The following GYPE variants were observed in gnomAD, a reference collection of about 807,000 sequenced individuals.
The protein encoded by GYPE is glycophorin E (MNS blood group).
GYPE carries 8 observed loss-of-function variants against 11.6 expected under a neutral mutation model. That is an observed-to-expected ratio of 0.69 (90% CI 0.41 to 1.25). GYPE has a LOEUF of 1.25. Ranked by LOEUF, GYPE falls within the 50% of genes most tolerant of loss-of-function variation. The pLI, the probability that GYPE is intolerant of heterozygous loss-of-function variation, is 0.01. For synonymous variants in GYPE, 28 were observed against 29.6 expected, an observed-to-expected ratio of 0.94 and a Z score of 0.18; for missense variants, 90 against 92.8, an observed-to-expected ratio of 0.97 and a Z score of 0.12.
At chr4:143,897,117 C>A (rs142218707) in intron 1 of GYPE, among the ~76,000 whole-genome samples, 44 of 151,944 alleles carry the variant, frequency 2.9e-4, no homozygotes, top group South Asian at 1.0e-3. Flanking sequence ...TGTAACTAAC[C>A]GGCACATTGT....
chr4:143,874,199 G>T (rs1443083293), intron 3 of GYPE, among the ~76,000 whole-genome samples: 1 of 151,978 alleles, frequency 6.6e-6, no homozygotes, highest in African/African-American at 2.4e-5. Context: ...AGAAAATTAA[G>T]AAGCTAGAAA....
chr4:143,885,436 T>C (rs1243397641), intron 1 of GYPE, among the ~76,000 whole-genome samples: 1 of 152,134 alleles, frequency 6.6e-6, no homozygotes, highest in Non-Finnish European at 1.5e-5. Context: ...CAACAGTTTC[T>C]TTCTTCTTCA....
intron 1 of GYPE, among the ~76,000 whole-genome samples, chr4:143,890,592 G>A (rs1242026441): frequency 4.6e-5 from 7 of 152,148 alleles, no homozygotes; most frequent in Non-Finnish European, 8.8e-5. Context: ...TCTGATGTGC[G>A]GCCAGCGGCG....
chr4:143,904,040 C>T (rs1744968709), intron 1 of GYPE, among the ~76,000 whole-genome samples: 1 of 151,940 alleles, frequency 6.6e-6, no homozygotes, highest in Non-Finnish European at 1.5e-5. Context: ...TACACTACAT[C>T]CCTTTCATTT....
chr4:143,888,407 G>A (rs1578965449), intron 1 of GYPE, among the ~76,000 whole-genome samples: 1 of 51,362 alleles, frequency 1.9e-5, no homozygotes, highest in Non-Finnish European at 4.9e-5. Flanking sequence ...GCCTTATCTT[G>A]CATAAGCAAA....
At chr4:143,892,885 G>C (rs1744467705) in intron 1 of GYPE, among the ~76,000 whole-genome samples, 1 of 150,640 alleles carries the variant, frequency 6.6e-6, no homozygotes, top group Non-Finnish European at 1.5e-5. Flanking sequence ...CTGTCTCATT[G>C]ATCTGTCTAA....
intron 1 of GYPE, among the ~76,000 whole-genome samples, chr4:143,898,346 C>A (rs1439830653): frequency 7.2e-5 from 11 of 152,132 alleles, no homozygotes; most frequent in Non-Finnish European, 1.5e-4. Flanking sequence ...CACTGCACTC[C>A]AGCCTGGGCG....
chr4:143,893,709 G>T (rs1744503534), intron 1 of GYPE, among the ~76,000 whole-genome samples: 1 of 152,162 alleles, frequency 6.6e-6, no homozygotes, highest in East Asian at 1.9e-4. Context: ...TCCCTTTGTG[G>T]GTAACCCGAC....
At position 143,879,013 on chromosome 4, in the gene GYPE, T is replaced by A. The variant is rs192327526; in HGVS notation, c.136+1398A>T. The stretch of plus-strand genomic sequence containing the variant: ...GCATTTTTAAAAAATATAAAAATAA[T>A]GAGAAGAAAGGAGGCATATGGAGCC... On this transcript the variant is annotated intron_variant, in intron 2 of 3. Coordinates refer to ENST00000358615, the MANE Select transcript of GYPE (RefSeq NM_198682.3). Among the ~76,000 whole-genome samples the A allele has an allele frequency of 2.9e-3, 444 of 152,220 alleles. 2 individuals carry two copies. Among genetic ancestry groups the A allele is most frequent in the African/African-American group, 1.0e-2 (414 of 41,522 alleles).
intron 1 of GYPE, 82 bp downstream of exon 1, chr4:143,905,389 G>C: frequency 6.2e-7 from 1 of 1,600,566 alleles, no homozygotes. Flanking sequence ...AAATAAGATA[G>C]AACTAAAATA....
Position 143,876,825 on chromosome 4 carries a change from G to A in GYPE, c.167C>T (p.Ala56Val), listed in dbSNP as rs1483682461. 6.2e-7 allele frequency: 1 copy of A among 1,610,532 alleles called. No homozygotes were observed. The highest frequency in any genetic ancestry group is 1.7e-5 in the Admixed American group (1 of 59,910). ...GITLINWWAM[A>V]RVIFEVMLVV... ...AAGCATCACCTCAAAAATAACACGA[G>A]CCATCGCCCACCAATTAATGAGTGT... The change falls in exon 3 of 4, where the codon GCT (alanine) becomes GTT (valine). Residue 56 changes from alanine (A) to valine (V), a missense_variant. Transcript: ENST00000358615.
At chr4:143,886,386 C>G (rs1477380517) in intron 1 of GYPE, among the ~76,000 whole-genome samples, 2 of 136,484 alleles carry the variant, frequency 1.5e-5, no homozygotes, top group Admixed American at 7.6e-5. Context: ...AAGCTTCATT[C>G]AAAATTCAAG....
intron 2 of GYPE, among the ~76,000 whole-genome samples, chr4:143,879,334 A>G (rs1743934173): frequency 6.6e-6 from 1 of 152,192 alleles, no homozygotes; most frequent in Admixed American, 6.5e-5. Flanking sequence ...CTAGAGTTTA[A>G]TTATTACAAA....
At chr4:143,873,540 A>G (rs1334111215) in intron 3 of GYPE, 5 of 447,856 alleles carry the variant, frequency 1.1e-5, no homozygotes, top group Non-Finnish European at 2.2e-5. Flanking sequence ...GTGGAGGCTG[A>G]TATAACATAT....
chr4:143,894,767 C>G (rs1445965861), intron 1 of GYPE, among the ~76,000 whole-genome samples: 1 of 152,072 alleles, frequency 6.6e-6, no homozygotes, highest in Non-Finnish European at 1.5e-5. Flanking sequence ...AAAATCCTGG[C>G]AAACCGAATC....
At chr4:143,882,581 C>G (rs557208026) in intron 1 of GYPE, among the ~76,000 whole-genome samples, 1 of 152,246 alleles carries the variant, frequency 6.6e-6, no homozygotes, top group Admixed American at 6.5e-5. Context: ...TGGCCAGAAG[C>G]CTTAAATGGG....
chr4:143,898,274 G>A (rs769051942), intron 1 of GYPE, among the ~76,000 whole-genome samples: 46 of 152,272 alleles, frequency 3.0e-4, no homozygotes, highest in African/African-American at 1.1e-3. Flanking sequence ...CTACTTGGGA[G>A]GCTGAGGCAG....
chr4:143,903,539 A>AAG lies in GYPE; in HGVS notation c.37+1931_37+1932insCT, dbSNP rs1553989206. On this transcript the variant is annotated intron_variant, in intron 1 of 3. Coordinates refer to ENST00000358615, the MANE Select transcript of GYPE (RefSeq NM_198682.3). ...TTTTTCATAGCAAAAAAAAAAAAAA[A>AAG]AAAGAAAAAAAAAGAAAAAGACTTC... Among the ~76,000 whole-genome samples the AAG allele has an allele frequency of 6.4e-4, 95 of 148,052 alleles. 1 individual carries two copies. The highest frequency in any genetic ancestry group is 2.2e-3 in the African/African-American group (87 of 38,844).
Position 143,895,617 on chromosome 4 carries a change from A to C in GYPE, c.37+9854T>G, listed in dbSNP as rs1005341841. ...TATAGATTCAATGCCATCCCCATCAAGCTACCAATGACTTTCTTCACAGAA... is the reference window on the plus strand; with the variant it reads ...TATAGATTCAATGCCATCCCCATCACGCTACCAATGACTTTCTTCACAGAA... On this transcript the variant is annotated intron_variant, in intron 1 of 3. Coordinates refer to ENST00000358615, the MANE Select transcript of GYPE (RefSeq NM_198682.3). Among the ~76,000 whole-genome samples, 423 of 147,998 alleles carry C rather than the reference A, an allele frequency of 2.9e-3. 2 individuals are homozygous for C. The highest frequency in any genetic ancestry group is 0.01 in the African/African-American group (405 of 40,216).
Sources: gnomAD v4.1 joint callset for allele counts (sites outside exome capture counted in the v4.1 genomes callset) on GRCh38, gnomAD v4.1.1 for gene constraint, MANE v1.5 for transcripts, NCBI Gene and HGNC (gene_info 2026-07-23, HGNC 2026-07-21) for gene names.